SYNDIG1: variants seen among roughly 807,000 people sequenced by gnomAD.
The protein encoded by SYNDIG1 is synapse differentiation inducing 1.
A neutral mutation model predicts 19.4 loss-of-function variants in SYNDIG1; 9 were observed. That is an observed-to-expected ratio of 0.46 (90% CI 0.28 to 0.81). The LOEUF (loss-of-function observed/expected upper bound fraction) is 0.81, where lower values mean the gene tolerates loss of function less well. Among genes scored for constraint, SYNDIG1 ranks in the 30% least tolerant of loss-of-function variants. The pLI is 0.12. For missense variants in SYNDIG1, 311 were observed against 343.3 expected (o/e 0.91, Z 0.74); for synonymous variants, 141 against 145.9 (o/e 0.97, Z 0.24).
At chr20:24,642,892 C>G (rs1269087219) in intron 3 of SYNDIG1, among the ~76,000 whole-genome samples, 1 of 152,030 alleles carries the variant, frequency 6.6e-6, no homozygotes, top group African/African-American at 2.4e-5. Context: ...GTCATTGATT[C>G]TAGGCTCTCT....
At chr20:24,555,725 G>C (rs960650931) in intron 2 of SYNDIG1, among the ~76,000 whole-genome samples, 16 of 151,996 alleles carry the variant, frequency 1.1e-4, no homozygotes, top group East Asian at 1.9e-4. Context: ...TTACTTCCAA[G>C]TATGTGGTCA....
At chr20:24,586,301 G>A (rs766422151) in intron 3 of SYNDIG1, among the ~76,000 whole-genome samples, 13 of 152,190 alleles carry the variant, frequency 8.5e-5, no homozygotes, top group Admixed American at 3.9e-4. Context: ...GATCTTGAGC[G>A]TCTGTCGGAG....
chr20:24,471,103 A>G (rs1214951788), intron 1 of SYNDIG1, among the ~76,000 whole-genome samples: 1 of 152,034 alleles, frequency 6.6e-6, no homozygotes, highest in Non-Finnish European at 1.5e-5. Context: ...AGTCCAAAGA[A>G]GGAGGTGGTG....
chr20:24,639,097 C>T (rs556393077), intron 3 of SYNDIG1, among the ~76,000 whole-genome samples: 1 of 152,314 alleles, frequency 6.6e-6, no homozygotes, highest in East Asian at 1.9e-4. Context: ...AGGCCACACA[C>T]ATTATTATAA....
intron 2 of SYNDIG1, among the ~76,000 whole-genome samples, chr20:24,562,145 C>G (rs1233318892): frequency 6.6e-6 from 1 of 151,408 alleles, no homozygotes; most frequent in African/African-American, 2.4e-5. Flanking sequence ...CAGATTCTTC[C>G]AGATCTGTGT....
intron 3 of SYNDIG1, among the ~76,000 whole-genome samples, chr20:24,619,055 C>T (rs1347795047): frequency 6.6e-6 from 1 of 152,132 alleles, no homozygotes; most frequent in African/African-American, 2.4e-5. Context: ...GTCTCTTTTG[C>T]AGGGCAGGAG....
At chr20:24,637,198 A>T (rs2059324898) in intron 3 of SYNDIG1, among the ~76,000 whole-genome samples, 1 of 152,254 alleles carries the variant, frequency 6.6e-6, no homozygotes, top group Admixed American at 6.5e-5. Context: ...CCCACATGGA[A>T]CTACATGCAG....
intron 3 of SYNDIG1, among the ~76,000 whole-genome samples, chr20:24,655,086 G>A (rs1011298997): frequency 4.6e-5 from 7 of 152,170 alleles, no homozygotes; most frequent in East Asian, 1.9e-4. Flanking sequence ...AAACTGTAAC[G>A]TCAAAGGGAA....
At chr20:24,501,932 G>T (rs2056464920) in intron 1 of SYNDIG1, among the ~76,000 whole-genome samples, 1 of 152,212 alleles carries the variant, frequency 6.6e-6, no homozygotes, top group Non-Finnish European at 1.5e-5. Context: ...TTCTTTTCCA[G>T]CAAGGGGAGA....
chr20:24,532,420 T>C (rs2057278754), intron 1 of SYNDIG1, among the ~76,000 whole-genome samples: 1 of 152,058 alleles, frequency 6.6e-6, no homozygotes. Flanking sequence ...GGCAAATCCA[T>C]AGAGACAGAA....
At chr20:24,632,749 G>C (rs1328763412) in intron 3 of SYNDIG1, among the ~76,000 whole-genome samples, 2 of 152,176 alleles carry the variant, frequency 1.3e-5, no homozygotes, top group African/African-American at 4.8e-5. Context: ...AGTATTTAGT[G>C]CCAGCTGGAG....
At chr20:24,540,365 T>G (rs1183537084) in intron 1 of SYNDIG1, among the ~76,000 whole-genome samples, 1 of 152,198 alleles carries the variant, frequency 6.6e-6, no homozygotes, top group Non-Finnish European at 1.5e-5. Context: ...ATTAAGTGCC[T>G]TTTATTTCTT....
At chr20:24,545,797 ATTCTT>A (rs1404947884) in intron 2 of SYNDIG1, among the ~76,000 whole-genome samples, 3 of 152,180 alleles carry the variant, frequency 2.0e-5, no homozygotes, top group Non-Finnish European at 4.4e-5. Flanking sequence ...ACCAGAAACA[ATTCTT>A]TTAATAATAC....
chr20:24,521,213 C>T (rs563706163), intron 1 of SYNDIG1, among the ~76,000 whole-genome samples: 7 of 152,344 alleles, frequency 4.6e-5, no homozygotes, highest in African/African-American at 1.7e-4. Context: ...ATTCATTCCT[C>T]TGTCAATGGG....
At chr20:24,477,970 A>T (rs1299118900) in intron 1 of SYNDIG1, among the ~76,000 whole-genome samples, 1 of 152,138 alleles carries the variant, frequency 6.6e-6, no homozygotes, top group African/African-American at 2.4e-5. Flanking sequence ...CGACCTCAGG[A>T]TTTGGCTCTG....
intron 2 of SYNDIG1, among the ~76,000 whole-genome samples, chr20:24,546,436 G>T (rs1398914889): frequency 6.6e-6 from 1 of 152,196 alleles, no homozygotes; most frequent in Non-Finnish European, 1.5e-5. Flanking sequence ...TGTTCTGCTG[G>T]TCTCACCTGG....
At chr20:24,628,875 C>T (rs1431924155) in intron 3 of SYNDIG1, among the ~76,000 whole-genome samples, 1 of 152,174 alleles carries the variant, frequency 6.6e-6, no homozygotes, top group African/African-American at 2.4e-5. Flanking sequence ...AGTCTCCACG[C>T]TTTGCAGATT....
At chr20:24,621,736 G>T (rs1600766658) in intron 3 of SYNDIG1, among the ~76,000 whole-genome samples, 1 of 152,188 alleles carries the variant, frequency 6.6e-6, no homozygotes, top group African/African-American at 2.4e-5. Flanking sequence ...CTACCACCAT[G>T]TGAATGAGCT....
rs1035010218 is a variant in SYNDIG1, at chr20:24,665,607, G to A, written c.*103G>A. The A allele has an allele frequency of 6.7e-7, 1 of 1,491,310 alleles. No homozygotes were observed. The highest frequency in any genetic ancestry group is 1.3e-5 in the South Asian group (1 of 78,200). The allele number at this position is 1,491,310 out of a possible 1,614,324, so 92.4% of individuals were successfully genotyped here. On this transcript the variant is annotated 3_prime_UTR_variant, in exon 4 of 4. Transcript: ENST00000376862. Reference sequence around the variant, plus strand: ...TGTACAGTACAAATGATTGCCAAATGATGCCACGAAGCCCTGGGATTTCCT... The same window carrying A: ...TGTACAGTACAAATGATTGCCAAATAATGCCACGAAGCCCTGGGATTTCCT...
Sources: gnomAD v4.1 joint callset for allele counts (sites outside exome capture counted in the v4.1 genomes callset) on GRCh38, gnomAD v4.1.1 for gene constraint, MANE v1.5 for transcripts, NCBI Gene and HGNC (gene_info 2026-07-23, HGNC 2026-07-21) for gene names.